The following LUZP2 variants were observed in gnomAD, a reference collection of about 807,000 sequenced individuals.
LUZP2 encodes leucine zipper protein 2.
LUZP2 carries 52 observed loss-of-function variants against 51.6 expected under a neutral mutation model. The ratio of observed to expected loss-of-function variants is 1.01; its 90% CI spans 0.81 to 1.27. LUZP2 has a LOEUF of 1.27. Among genes scored for constraint, LUZP2 ranks in the 50% most tolerant of loss-of-function variants. The pLI, the probability that LUZP2 is intolerant of heterozygous loss-of-function variation, is 0.00. For missense variants in LUZP2, 436 were observed against 395.4 expected, an observed-to-expected ratio of 1.10 and a Z score of -0.87; for synonymous variants, 154 against 137.3, an observed-to-expected ratio of 1.12 and a Z score of -0.85.
At chr11:24,704,718 A>G (rs1022571580) in intron 1 of LUZP2, among the ~76,000 whole-genome samples, 11 of 152,158 alleles carry the variant, frequency 7.2e-5, no homozygotes, top group South Asian at 6.2e-4. Context: ...TCAAAATGCT[A>G]TATTTGCAAA....
intron 1 of LUZP2, among the ~76,000 whole-genome samples, chr11:24,715,281 G>A (rs1857995846): frequency 7.6e-6 from 1 of 131,164 alleles, no homozygotes; most frequent in African/African-American, 2.6e-5. Context: ...GTGTGTGTGT[G>A]TGTGTGTGTG....
At chr11:24,848,882 A>G (rs1264248919) in intron 5 of LUZP2, among the ~76,000 whole-genome samples, 3 of 152,294 alleles carry the variant, frequency 2.0e-5, no homozygotes, top group Non-Finnish European at 4.4e-5. Flanking sequence ...AAAGCATTTA[A>G]TATAGGAGCA....
At chr11:24,858,665 A>G (rs1397146281) in intron 5 of LUZP2, among the ~76,000 whole-genome samples, 2 of 152,242 alleles carry the variant, frequency 1.3e-5, no homozygotes, top group South Asian at 2.1e-4. Context: ...CTTCTGAATG[A>G]TAAGTCTGTG....
chr11:24,543,307 T>C (rs1304594415), intron 1 of LUZP2, among the ~76,000 whole-genome samples: 1 of 152,048 alleles, frequency 6.6e-6, no homozygotes, highest in Non-Finnish European at 1.5e-5. Context: ...GGAGAACAAC[T>C]GTAGAATGTA....
At chr11:24,962,896 T>C (rs1855458729) in intron 7 of LUZP2, among the ~76,000 whole-genome samples, 1 of 152,312 alleles carries the variant, frequency 6.6e-6, no homozygotes, top group South Asian at 2.1e-4. Flanking sequence ...TGTGGTTTTG[T>C]CTACTTTTGG....
chr11:24,858,411 G>A (rs61708016), intron 5 of LUZP2, among the ~76,000 whole-genome samples: 24,745 of 151,998 alleles, frequency 0.16, 2,127 homozygotes, highest in South Asian at 0.19. Context: ...GGTTTCCAAA[G>A]CAACCCAAGT....
At chr11:24,843,629 A>G (rs1247016221) in intron 5 of LUZP2, among the ~76,000 whole-genome samples, 3 of 152,204 alleles carry the variant, frequency 2.0e-5, no homozygotes, top group African/African-American at 7.2e-5. Context: ...GCTAGCTTAT[A>G]CATCTATGGA....
intron 4 of LUZP2, among the ~76,000 whole-genome samples, chr11:24,743,231 T>C (rs2133993508): frequency 6.6e-6 from 1 of 152,162 alleles, no homozygotes; most frequent in East Asian, 1.9e-4. Flanking sequence ...AGAAGAATGA[T>C]GGTGGTATTT....
chr11:24,893,130 G>C (rs1010348723), intron 5 of LUZP2: 21 of 152,110 alleles, frequency 1.4e-4, no homozygotes, highest in Non-Finnish European at 2.9e-5. Context: ...ATGTCACAGA[G>C]ACAATGGATT....
At chr11:24,859,745 G>A (rs111674592) in intron 5 of LUZP2, among the ~76,000 whole-genome samples, 2,392 of 152,308 alleles carry the variant, frequency 0.016, 25 homozygotes, top group African/African-American at 0.027. Flanking sequence ...CACAAGGGAC[G>A]GGGGAACCCC....
intron 4 of LUZP2, among the ~76,000 whole-genome samples, chr11:24,742,075 A>ATATATATATATATATATATATATATATC (rs1325427290): frequency 2.1e-5 from 3 of 140,628 alleles, no homozygotes; most frequent in African/African-American, 8.3e-5. Flanking sequence ...ATATATATAT[A>ATATATATATATATATATATATATATATC]TCACCATTTC....
chr11:25,074,595 C>A (rs1239722015), intron 10 of LUZP2, among the ~76,000 whole-genome samples: 1 of 151,942 alleles, frequency 6.6e-6, no homozygotes, highest in Non-Finnish European at 1.5e-5. Flanking sequence ...TGACAATGAC[C>A]TCAAGTGAAG....
chr11:24,959,996 T>C (rs1855343677), intron 7 of LUZP2, among the ~76,000 whole-genome samples: 1 of 152,212 alleles, frequency 6.6e-6, no homozygotes, highest in South Asian at 2.1e-4. Flanking sequence ...TTTCTGCATC[T>C]ATTGAGATAA....
In LUZP2 at chr11:25,081,875, G is replaced by C. The variant is rs1458379209; in HGVS notation, c.*3217G>C. 6.6e-6 allele frequency: 1 copy of C among 152,088 alleles called. No individual in the cohort carries two copies. The highest frequency in any genetic ancestry group is 1.5e-5 in the Non-Finnish European group (1 of 67,990). The allele number at this position is 152,088 out of a possible 1,614,324, so 9.4% of individuals were successfully genotyped here. ...TCCAATGGAGTAACTTGTTTTAATA[G>C]AGGTACAACCAGAACCAACAATTGT... On this transcript the variant is annotated 3_prime_UTR_variant, in exon 12 of 12. Coordinates refer to ENST00000336930, the MANE Select transcript of LUZP2 (RefSeq NM_001009909.4).
intron 10 of LUZP2, among the ~76,000 whole-genome samples, chr11:25,064,928 A>G (rs1858955668): frequency 6.6e-6 from 1 of 152,052 alleles, no homozygotes; most frequent in South Asian, 2.1e-4. Context: ...CAAAATCTCT[A>G]GATATTGAGG....
rs779444616 is a variant in LUZP2 at position 24,983,173 on chromosome 11, A to G, written c.645A>G (p.Thr215=). 9 of 1,612,156 alleles carry G rather than the reference A, an allele frequency of 5.6e-6. No homozygotes were observed. The highest frequency in any genetic ancestry group is 5.0e-5 in the Admixed American group (3 of 59,766). ...AMKETVQLCL[T]SVFRDQPPPP... is the part of the protein sequence containing the mutation. Reference sequence around the variant, plus strand: ...AAGAGACTGTGCAGCTCTGCTTGACATCTGTTTTCCGTGATCAGCCTCCTC... The same window carrying G: ...AAGAGACTGTGCAGCTCTGCTTGACGTCTGTTTTCCGTGATCAGCCTCCTC... The change falls in exon 9 of 12, where the codon ACA becomes ACG. Residue 215 remains threonine, a synonymous_variant. Coordinates refer to ENST00000336930, the MANE Select transcript of LUZP2 (RefSeq NM_001009909.4).
chr11:25,004,680 G>A (rs1856785322), intron 9 of LUZP2, among the ~76,000 whole-genome samples: 1 of 152,100 alleles, frequency 6.6e-6, no homozygotes, highest in African/African-American at 2.4e-5. Context: ...CTGAATTATG[G>A]TGGACATCAT....
At chr11:24,721,313 A>T (rs1021430182) in intron 1 of LUZP2, among the ~76,000 whole-genome samples, 1 of 151,064 alleles carries the variant, frequency 6.6e-6, no homozygotes, top group African/African-American at 2.4e-5. Context: ...AGAAACTAGA[A>T]AGGGAACATT....
At chr11:25,062,039 A>T (rs1406399620) in intron 10 of LUZP2, among the ~76,000 whole-genome samples, 1 of 151,630 alleles carries the variant, frequency 6.6e-6, no homozygotes, top group Non-Finnish European at 1.5e-5. Flanking sequence ...GGAAAGTGAC[A>T]TATCAGTCAT....
Sources: gnomAD v4.1 joint callset for allele counts (sites outside exome capture counted in the v4.1 genomes callset) on GRCh38, gnomAD v4.1.1 for gene constraint, MANE v1.5 for transcripts, NCBI Gene and HGNC (gene_info 2026-07-23, HGNC 2026-07-21) for gene names.